The following KIAA1328 variants were observed in gnomAD, a reference collection of about 807,000 sequenced individuals.
The protein encoded by KIAA1328 is protein hinderin.
Under a neutral mutation model 68.1 loss-of-function variants are expected in KIAA1328, and 52 were observed. The observed-to-expected ratio is 0.76, with a 90% CI of 0.61 to 0.96. The LOEUF is 0.96. Among genes scored for constraint, KIAA1328 ranks in the 40% least tolerant of loss-of-function variants. The probability of loss-of-function intolerance (pLI) is 0.00; values close to 1 mark genes in which losing one functional copy is unlikely to be tolerated. For synonymous variants in KIAA1328, 232 were observed against 239.4 expected (o/e 0.97, Z 0.28); for missense variants, 641 against 677.6 (o/e 0.95, Z 0.60).
At chr18:36,855,428 C>T (rs2047351247) in intron 4 of KIAA1328, among the ~76,000 whole-genome samples, 3 of 152,118 alleles carry the variant, frequency 2.0e-5, no homozygotes, top group Non-Finnish European at 4.4e-5. Flanking sequence ...TTTTCATGTG[C>T]TTGTTGTCCA....
intron 7 of KIAA1328, among the ~76,000 whole-genome samples, chr18:37,113,910 G>T (rs1036708509): frequency 7.2e-5 from 11 of 152,142 alleles, no homozygotes; most frequent in Non-Finnish European, 1.5e-4. Context: ...AAGAGACAAA[G>T]AAGGCCATTA....
intron 9 of KIAA1328, among the ~76,000 whole-genome samples, chr18:37,200,288 A>G (rs1438911593): frequency 6.6e-6 from 1 of 152,228 alleles, no homozygotes; most frequent in Non-Finnish European, 1.5e-5. Flanking sequence ...AAGTTGTTTG[A>G]CAGGAATTCT....
chr18:37,022,057 T>TTAAAA (rs757915141), intron 6 of KIAA1328, among the ~76,000 whole-genome samples: 3,764 of 151,286 alleles, frequency 0.025, 52 homozygotes, highest in Non-Finnish European at 0.035. Flanking sequence ...AATTAATTAA[T>TTAAAA]TAAAATAAAA....
At chr18:36,927,841 G>T (rs932140417) in intron 5 of KIAA1328, among the ~76,000 whole-genome samples, 6 of 151,664 alleles carry the variant, frequency 4.0e-5, no homozygotes, top group Non-Finnish European at 5.9e-5. Context: ...AGGAAAGAAG[G>T]AAGGGAGGGA....
chr18:37,229,114 G>A (rs779162578), downstream of KIAA1328, among the ~76,000 whole-genome samples: 4 of 152,136 alleles, frequency 2.6e-5, no homozygotes, highest in African/African-American at 4.8e-5. Context: ...GTGGGGTAAT[G>A]ACCTGGAAGT....
At chr18:37,016,651 A>G (rs1416645901) in intron 6 of KIAA1328, among the ~76,000 whole-genome samples, 1 of 152,062 alleles carries the variant, frequency 6.6e-6, no homozygotes, top group African/African-American at 2.4e-5. Context: ...AAAACTCAAT[A>G]TTGTTCTGTT....
rs572146229 is a variant in KIAA1328 at position 37,212,562 on chromosome 18, G to A, written c.1524-9455G>A. 4.6e-5 allele frequency among the ~76,000 whole-genome samples: 7 copies of A among 151,988 alleles called. No individual in the cohort carries two copies. In the East Asian group the frequency reaches 1.4e-3, roughly 29 times the overall value. On this transcript the variant is annotated intron_variant, in intron 9 of 9. Coordinates refer to ENST00000280020, the MANE Select transcript of KIAA1328 (RefSeq NM_020776.3). The stretch of plus-strand genomic sequence containing the variant: ...AAAAGGACACCGATAAAGCATGAAG[G>A]GTAATAGTAATATATGGATGGTTAA...
intron 7 of KIAA1328, among the ~76,000 whole-genome samples, chr18:37,152,776 G>A (rs925095020): frequency 1.5e-4 from 23 of 152,196 alleles, no homozygotes; most frequent in Non-Finnish European, 2.2e-4. Context: ...TAAGCAGTTA[G>A]AGAGGGTAAG....
chr18:37,043,385 G>A (rs2055337213), intron 6 of KIAA1328, among the ~76,000 whole-genome samples: 2 of 152,052 alleles, frequency 1.3e-5, no homozygotes, highest in Admixed American at 1.3e-4. Flanking sequence ...TTAGGCTTCT[G>A]ATTCTTTCTC....
chr18:37,009,577 G>T (rs1006679935), intron 6 of KIAA1328, among the ~76,000 whole-genome samples: 2 of 152,166 alleles, frequency 1.3e-5, no homozygotes, highest in African/African-American at 4.8e-5. Context: ...TTGTCACCAA[G>T]CAAGTTGAGG....
chr18:37,155,197 TG>T (rs1393207096), intron 7 of KIAA1328, among the ~76,000 whole-genome samples: 1 of 152,222 alleles, frequency 6.6e-6, no homozygotes, highest in Non-Finnish European at 1.5e-5. Context: ...CAAGAATGAC[TG>T]TATCTCCTCC....
At chr18:37,168,600 G>C (rs1319752500) in intron 8 of KIAA1328, among the ~76,000 whole-genome samples, 1 of 152,136 alleles carries the variant, frequency 6.6e-6, no homozygotes, top group East Asian at 1.9e-4. Flanking sequence ...AGCAAAGGAA[G>C]TCTCAAAAAT....
At chr18:36,863,029 A>T (rs920208919) in intron 4 of KIAA1328, among the ~76,000 whole-genome samples, 8 of 151,910 alleles carry the variant, frequency 5.3e-5, no homozygotes, top group Non-Finnish European at 1.0e-4. Flanking sequence ...TGTAACTTGA[A>T]TTTTGAGAGT....
chr18:36,988,318 T>G (rs1311602741), intron 6 of KIAA1328, among the ~76,000 whole-genome samples: 1 of 152,224 alleles, frequency 6.6e-6, no homozygotes, highest in Non-Finnish European at 1.5e-5. Flanking sequence ...ACCTGAAATT[T>G]CCATGTTTCA....
At chr18:37,196,967 T>C (rs1238811058) in intron 9 of KIAA1328, among the ~76,000 whole-genome samples, 1 of 152,196 alleles carries the variant, frequency 6.6e-6, no homozygotes, top group East Asian at 1.9e-4. Context: ...ATCTCATTAA[T>C]TATTATTGAT....
chr18:36,883,576 T>C (rs1373002248), intron 4 of KIAA1328, among the ~76,000 whole-genome samples: 3 of 152,188 alleles, frequency 2.0e-5, no homozygotes, highest in Non-Finnish European at 4.4e-5. Context: ...TCTGTAAAGA[T>C]ACTGTTTAAA....
At chr18:36,859,608 T>A (rs1156775613) in intron 4 of KIAA1328, among the ~76,000 whole-genome samples, 1 of 147,780 alleles carries the variant, frequency 6.8e-6, no homozygotes, top group Non-Finnish European at 1.5e-5. Flanking sequence ...TCTCTCTTTC[T>A]CTGTTTCTCT....
intron 7 of KIAA1328, among the ~76,000 whole-genome samples, chr18:37,146,242 G>A (rs8087715): frequency 0.041 from 6,199 of 151,868 alleles, 444 homozygotes; most frequent in African/African-American, 0.14. Flanking sequence ...ACCTCCTCCC[G>A]TCCTGCACCC....
intron 6 of KIAA1328, among the ~76,000 whole-genome samples, chr18:37,004,916 C>T (rs1022740252): frequency 2.0e-5 from 3 of 152,026 alleles, no homozygotes; most frequent in Non-Finnish European, 4.4e-5. Context: ...TACTACTCAG[C>T]CATAAAAAGG....
Sources: allele counts gnomAD v4.1 joint callset (sites outside exome capture counted in the v4.1 genomes callset), GRCh38; gene constraint gnomAD v4.1.1; transcripts MANE v1.5; gene names NCBI Gene and HGNC (gene_info 2026-07-23, HGNC 2026-07-21).